KIRREL3: variants seen among roughly 807,000 people sequenced by gnomAD.
The protein encoded by KIRREL3 is kirre like nephrin family adhesion molecule 3.
In KIRREL3, 36 loss-of-function variants were observed where a neutral mutation model predicts 89.7. The observed-to-expected ratio is 0.40, with a 90% CI of 0.31 to 0.53. The LOEUF (loss-of-function observed/expected upper bound fraction) is 0.53, where lower values mean the gene tolerates loss of function less well. Among genes scored for constraint, KIRREL3 ranks in the 20% least tolerant of loss-of-function variants. The pLI, the probability that KIRREL3 is intolerant of heterozygous loss-of-function variation, is 0.49. For synonymous variants in KIRREL3, 445 were observed against 441.4 expected, an observed-to-expected ratio of 1.01 and a Z score of -0.10; for missense variants, 864 against 1,056.6, an observed-to-expected ratio of 0.82 and a Z score of 2.53.
At chr11:126,672,432 A>G (rs1014830938) in intron 1 of KIRREL3, among the ~76,000 whole-genome samples, 1 of 152,338 alleles carries the variant, frequency 6.6e-6, no homozygotes, top group East Asian at 1.9e-4. Context: ...GACAACATGG[A>G]TGTATCTTAG....
intron 1 of KIRREL3, among the ~76,000 whole-genome samples, chr11:126,735,201 T>A (rs1395611967): frequency 2.0e-5 from 3 of 152,222 alleles, no homozygotes; most frequent in Admixed American, 6.5e-5. Flanking sequence ...TAAAATGTGC[T>A]TCTGTGAGGG....
At chr11:126,934,820 G>C (rs1948109578) in intron 1 of KIRREL3, 1 of 152,148 alleles carries the variant, frequency 6.6e-6, no homozygotes, top group South Asian at 2.1e-4. Context: ...CAGCACTTTG[G>C]GAAGCCGAGG....
At chr11:126,660,393 A>T (rs1945341895) in intron 1 of KIRREL3, among the ~76,000 whole-genome samples, 3 of 152,248 alleles carry the variant, frequency 2.0e-5, no homozygotes. Context: ...ACGTAGGCAC[A>T]TGTTCACACT....
intron 1 of KIRREL3, among the ~76,000 whole-genome samples, chr11:126,865,818 G>A (rs1306181938): frequency 6.6e-6 from 1 of 152,164 alleles, no homozygotes; most frequent in Non-Finnish European, 1.5e-5. Flanking sequence ...TTAAAAGTGA[G>A]AGCTAGAGAA....
Position 126,521,513 on chromosome 11 carries a change from C to A in KIRREL3, c.284-49G>T. The stretch of plus-strand genomic sequence containing the variant: ...GGGAGCTGGGGTGGGGTGGAGGGGA[C>A]ACCCATGACAAAGAGGCACAGAATG... On this transcript the variant is annotated intron_variant, in intron 3 of 16. Transcript: ENST00000525144. The surrounding 1 kb of genome is among the most constrained non-coding windows in gnomAD (Gnocchi z 4.1). 6.6e-7 allele frequency: 1 copy of A among 1,522,198 alleles called. No homozygotes were observed. Among genetic ancestry groups the A allele is most frequent in the Non-Finnish European group, 8.9e-7 (1 of 1,128,334 alleles). The allele number at this position is 1,522,198 out of a possible 1,614,324, so 94.3% of individuals were successfully genotyped here. A position where few individuals can be genotyped will look rare whatever the true frequency, so the allele number is the denominator to read the frequency against.
In KIRREL3 at chr11:126,555,701, C is replaced by G. The variant is rs1939653761; in HGVS notation, c.133+7134G>C. Among the ~76,000 whole-genome samples, 1 of 151,394 alleles carries G rather than the reference C, an allele frequency of 6.6e-6. No individual in the cohort carries two copies. Reference sequence around the variant, plus strand: ...GGATGAAGTCAGAGGTAGGTAGGAACCAGATCACGTGGCACCTTGTAGAAC... The same window carrying G: ...GGATGAAGTCAGAGGTAGGTAGGAAGCAGATCACGTGGCACCTTGTAGAAC... On this transcript the variant is annotated intron_variant, in intron 2 of 16. Coordinates refer to ENST00000525144, the MANE Select transcript of KIRREL3 (RefSeq NM_032531.4). The surrounding 1 kb of genome is among the most constrained non-coding windows in gnomAD (Gnocchi z 4.2).
At chr11:126,613,765 T>C (rs1034310925) in intron 1 of KIRREL3, among the ~76,000 whole-genome samples, 1 of 152,038 alleles carries the variant, frequency 6.6e-6, no homozygotes, top group Non-Finnish European at 1.5e-5. Context: ...TTTATTAAAA[T>C]GTAAAGTAGC....
At position 126,455,673 on chromosome 11, in the gene KIRREL3, G is replaced by A. The variant is rs1591567192; in HGVS notation, c.848+676C>T. Among the ~76,000 whole-genome samples, 1 of 151,960 alleles carries A rather than the reference G, an allele frequency of 6.6e-6. No individual in the cohort carries two copies. The highest frequency in any genetic ancestry group is 1.9e-4 in the East Asian group (1 of 5,188). On this transcript the variant is annotated intron_variant, in intron 7 of 16. Coordinates refer to ENST00000525144, the MANE Select transcript of KIRREL3 (RefSeq NM_032531.4). The surrounding 1 kb of genome is among the most constrained non-coding windows in gnomAD (Gnocchi z 6.4). ...TTAGCTGGCGTGGTGGCGGGCGCCT[G>A]TAGTCCCAGCTACTTGGGAGGCTGA...
At chr11:126,767,227 G>A (rs1252876897) in intron 1 of KIRREL3, among the ~76,000 whole-genome samples, 3 of 152,202 alleles carry the variant, frequency 2.0e-5, no homozygotes, top group African/African-American at 7.2e-5. Context: ...CTGACATCCC[G>A]CCCAAGGGTC....
intron 1 of KIRREL3, among the ~76,000 whole-genome samples, chr11:126,633,014 C>T (rs560945920): frequency 2.0e-5 from 3 of 151,986 alleles, no homozygotes; most frequent in South Asian, 2.1e-4. Context: ...ATCACTTGAA[C>T]CTGGGAGGCA....
In KIRREL3 at chr11:126,440,558, A is replaced by G; in HGVS notation, c.1253-9T>C. On this transcript the variant is annotated splice_polypyrimidine_tract_variant and intron_variant, in intron 10 of 16. Coordinates refer to ENST00000525144, the MANE Select transcript of KIRREL3 (RefSeq NM_032531.4). Reference sequence around the variant, plus strand: ...GGAGATGATGGGGGGTCCTGTTGAGAAACAGCGTCCCATTAGGCACCCGGG... The same window carrying G: ...GGAGATGATGGGGGGTCCTGTTGAGGAACAGCGTCCCATTAGGCACCCGGG... 1 of 1,587,606 alleles carries G rather than the reference A, an allele frequency of 6.3e-7. No homozygotes were observed. Among genetic ancestry groups the G allele is most frequent in the East Asian group, 2.3e-5 (1 of 43,502 alleles).
Position 126,959,210 on chromosome 11 carries a change from G to C in KIRREL3, c.55+41245C>G, listed in dbSNP as rs143581843. On this transcript the variant is annotated intron_variant, in intron 1 of 16. Transcript: ENST00000525144. ...TCTCTAGCTTTCCAACTGCAGATCT[G>C]GATATTTCTCAGCCTCCATACTTAC... Among the ~76,000 whole-genome samples, 3 of 152,264 alleles carry C rather than the reference G, an allele frequency of 2.0e-5. No homozygotes were observed. The East Asian group carries it at 5.8e-4, about 29-fold the overall frequency.
Position 126,943,507 on chromosome 11 carries a change from C to T in KIRREL3, c.55+56948G>A, listed in dbSNP as rs1050120996. On this transcript the variant is annotated intron_variant, in intron 1 of 16. Coordinates refer to ENST00000525144, the MANE Select transcript of KIRREL3 (RefSeq NM_032531.4). The surrounding 1 kb of genome is among the most constrained non-coding windows in gnomAD (Gnocchi z 4.2). Reference sequence around the variant, plus strand: ...TTAGGAGTGTACAAGCATATTTACACAACGCCATGGAGCATGGGTGAAGGA... The same window carrying T: ...TTAGGAGTGTACAAGCATATTTACATAACGCCATGGAGCATGGGTGAAGGA... Among the ~76,000 whole-genome samples, 3 of 152,222 alleles carry T rather than the reference C, an allele frequency of 2.0e-5. No homozygotes were observed. Among genetic ancestry groups the T allele is most frequent in the African/African-American group, 7.2e-5 (3 of 41,454 alleles).
rs1422739517 is a variant in KIRREL3, at chr11:126,449,027, G to A, written c.979C>T (p.Arg327Cys). The A allele has an allele frequency of 5.0e-6, 8 of 1,612,368 alleles. No individual in the cohort carries two copies. The East Asian group carries it at 6.7e-5, about 13-fold the overall frequency. The change falls in exon 8 of 17, where the codon CGC becomes TGC. Residue 327 changes from arginine to cysteine, a missense_variant. Coordinates refer to ENST00000525144, the MANE Select transcript of KIRREL3 (RefSeq NM_032531.4). ...CACTCACAGTAGACGTCAACCGTGC[G>A]GCTGAGGTTGGTGCTGCCCAGGGCG... ...TNALGSTNLS[R>C]TVDVYFGPRM...
In KIRREL3 at chr11:126,708,773, C is replaced by T. The variant is rs1490140112; in HGVS notation, c.56-145861G>A. Among the ~76,000 whole-genome samples, 4 of 152,210 alleles carry T rather than the reference C, an allele frequency of 2.6e-5. No homozygotes were observed. Among genetic ancestry groups the T allele is most frequent in the African/African-American group, 9.7e-5 (4 of 41,440 alleles). On this transcript the variant is annotated intron_variant, in intron 1 of 16. Transcript: ENST00000525144. This position sits in a 1 kb window ranked among gnomAD's most constrained non-coding sequence, Gnocchi z 5.7. ...CTGAGGAGTTCACTAGCTTTCCTCC[C>T]TCCGCTCTCCAGCTCCCGTTCCTAC...
At chr11:126,483,390 C>A (rs1190096116) in intron 4 of KIRREL3, among the ~76,000 whole-genome samples, 1 of 152,230 alleles carries the variant, frequency 6.6e-6, no homozygotes, top group Non-Finnish European at 1.5e-5. Context: ...TCGTTTGTTA[C>A]ACGGGTGTCA....
Position 126,764,882 on chromosome 11 carries a change from C to T in KIRREL3, c.56-201970G>A, listed in dbSNP as rs1320726610. Among the ~76,000 whole-genome samples, 3 of 152,174 alleles carry T rather than the reference C, an allele frequency of 2.0e-5. No homozygotes were observed. Among genetic ancestry groups the T allele is most frequent in the Non-Finnish European group, 4.4e-5 (3 of 68,034 alleles). ...GAGTCCTCTACTCTCGGCCTGGATC[C>T]TCTTCAATGAACCACCTATGTGTCA... On this transcript the variant is annotated intron_variant, in intron 1 of 16. Transcript: ENST00000525144. This position sits in a 1 kb window ranked among gnomAD's most constrained non-coding sequence, Gnocchi z 4.2.
chr11:126,563,360 G>A lies in KIRREL3; in HGVS notation c.56-448C>T, dbSNP rs11601677. On this transcript the variant is annotated intron_variant, in intron 1 of 16. Transcript: ENST00000525144. The surrounding 1 kb of genome is among the most constrained non-coding windows in gnomAD (Gnocchi z 6.8). ...GGGATGATGCAGAATCTATCCAGTC[G>A]TGTCTAGGATGGAACAGTGCAACCA... Among the ~76,000 whole-genome samples, 479 of 152,330 alleles carry A rather than the reference G, an allele frequency of 3.1e-3. 1 individual carries two copies. The highest frequency in any genetic ancestry group is 0.014 in the Middle Eastern group (4 of 294).
chr11:126,764,250 C>G lies in KIRREL3; in HGVS notation c.56-201338G>C, dbSNP rs2134277251. Among the ~76,000 whole-genome samples, 1 of 152,286 alleles carries G rather than the reference C, an allele frequency of 6.6e-6. No individual in the cohort carries two copies. Among genetic ancestry groups the G allele is most frequent in the East Asian group, 1.9e-4 (1 of 5,180 alleles). ...ACAGCAGGTCGCTCTGGTCAATGGG[C>G]CCACGGCAGCACCCACTGTCTTGGC... On this transcript the variant is annotated intron_variant, in intron 1 of 16. Coordinates refer to ENST00000525144, the MANE Select transcript of KIRREL3 (RefSeq NM_032531.4). The surrounding 1 kb of genome is among the most constrained non-coding windows in gnomAD (Gnocchi z 4.2).
Sources: gnomAD v4.1 joint callset for allele counts (sites outside exome capture counted in the v4.1 genomes callset) on GRCh38, gnomAD v4.1.1 for gene constraint, Gnocchi (gnomAD v3.1) non-coding constraint, MANE v1.5 for transcripts, NCBI Gene and HGNC (gene_info 2026-07-23, HGNC 2026-07-21) for gene names.